CSMD1: variants seen among roughly 807,000 people sequenced by gnomAD.
The protein encoded by CSMD1 is CUB and sushi domain-containing protein 1.
In CSMD1, 213 loss-of-function variants were observed where a neutral mutation model predicts 417.5. The ratio of observed to expected loss-of-function variants is 0.51; its 90% confidence interval spans 0.46 to 0.57. The LOEUF (loss-of-function observed/expected upper bound fraction) is 0.57, where lower values mean the gene tolerates loss of function less well. Among genes scored for constraint, CSMD1 ranks in the 20% least tolerant of loss-of-function variants. The probability of loss-of-function intolerance (pLI) is 0.00; values close to 1 mark genes in which losing one functional copy is unlikely to be tolerated. For missense variants in CSMD1, 6,923 were observed against 4,529.7 expected (o/e 1.53, Z -15.17); for synonymous variants, 2,862 against 1,736.8 (o/e 1.65, Z -16.11).
intron 33 of CSMD1, among the ~76,000 whole-genome samples, chr8:3,192,500 C>T (rs6558727): frequency 0.93 from 141,735 of 152,190 alleles, 66,095 homozygotes; most frequent in Non-Finnish European, 0.95. Flanking sequence ...CAGTAATTGT[C>T]ATGGTTTGGC....
At chr8:3,499,469 G>A (rs1478009046) in intron 10 of CSMD1, among the ~76,000 whole-genome samples, 1 of 152,132 alleles carries the variant, frequency 6.6e-6, no homozygotes, top group Non-Finnish European at 1.5e-5. Context: ...TGGGGAGCAT[G>A]TGTGAGCATT....
intron 6 of CSMD1, among the ~76,000 whole-genome samples, chr8:3,716,761 C>T (rs1801864991): frequency 6.6e-6 from 1 of 152,136 alleles, no homozygotes; most frequent in Non-Finnish European, 1.5e-5. Context: ...GTTCAAACGC[C>T]TCTTGACAAT....
At chr8:3,257,406 C>T (rs1008596498) in intron 26 of CSMD1, among the ~76,000 whole-genome samples, 1 of 152,238 alleles carries the variant, frequency 6.6e-6, no homozygotes, top group Admixed American at 6.5e-5. Flanking sequence ...ATTAGGATCT[C>T]TTTCCTTGTG....
At chr8:3,450,516 G>C (rs578244356) in intron 12 of CSMD1, among the ~76,000 whole-genome samples, 22 of 148,942 alleles carry the variant, frequency 1.5e-4, no homozygotes, top group Non-Finnish European at 2.7e-4. Flanking sequence ...CTGTGTCCAT[G>C]TGTTCTCATT....
intron 5 of CSMD1, among the ~76,000 whole-genome samples, chr8:3,796,108 ATATC>A (rs1397370907): frequency 5.6e-4 from 7 of 12,562 alleles, no homozygotes; most frequent in Admixed American, 1.2e-3. Flanking sequence ...ATATAGATAT[ATATC>A]TATCATAGAT....
At chr8:3,342,822 T>G (rs1197598575) in intron 23 of CSMD1, among the ~76,000 whole-genome samples, 1 of 151,908 alleles carries the variant, frequency 6.6e-6, no homozygotes, top group Non-Finnish European at 1.5e-5. Context: ...AGAAAATAGT[T>G]TACTACATAT....
At chr8:4,003,802 T>C (rs1157398660) in intron 4 of CSMD1, among the ~76,000 whole-genome samples, 2 of 151,926 alleles carry the variant, frequency 1.3e-5, no homozygotes, top group Admixed American at 6.6e-5. Context: ...GTCTACTGAG[T>C]ATATTGTACG....
chr8:4,453,814 CTTTTTTTTTTTTTTTTTTTTTT>C (rs60422486), intron 2 of CSMD1, among the ~76,000 whole-genome samples: 10 of 67,748 alleles, frequency 1.5e-4, no homozygotes, highest in African/African-American at 5.7e-4. Flanking sequence ...CAATTCGTTT[CTTTTTTTTTTTTTTTTTTTTTT>C]TTTGAGACAG....
intron 51 of CSMD1, among the ~76,000 whole-genome samples, chr8:3,023,092 C>G (rs925722122): frequency 3.3e-5 from 5 of 152,188 alleles, no homozygotes; most frequent in Admixed American, 6.5e-5. Context: ...AACGAAATGA[C>G]AATGACTACG....
chr8:3,319,785 C>T (rs990188269), intron 23 of CSMD1, among the ~76,000 whole-genome samples: 3 of 152,026 alleles, frequency 2.0e-5, no homozygotes, highest in African/African-American at 7.2e-5. Flanking sequence ...TAAAGTAATT[C>T]TTCATTAGTA....
intron 5 of CSMD1, among the ~76,000 whole-genome samples, chr8:3,893,362 T>TATATATA (rs1554476819): frequency 1.1e-4 from 14 of 125,518 alleles, no homozygotes; most frequent in East Asian, 4.6e-4. Flanking sequence ...TATATATATA[T>TATATATA]TATTTTTTTT....
intron 3 of CSMD1, among the ~76,000 whole-genome samples, chr8:4,152,771 T>A (rs566105605): frequency 6.6e-6 from 1 of 152,126 alleles, no homozygotes; most frequent in Non-Finnish European, 1.5e-5. Context: ...TATAATCAAA[T>A]ATATATGCAT....
chr8:3,964,952 G>A (rs578230553), intron 5 of CSMD1, among the ~76,000 whole-genome samples: 37 of 152,118 alleles, frequency 2.4e-4, no homozygotes, highest in African/African-American at 3.9e-4. Flanking sequence ...GTTTATCCTC[G>A]TCATGTAATT....
chr8:3,777,154 A>G (rs1798936082), intron 5 of CSMD1, among the ~76,000 whole-genome samples: 1 of 130,452 alleles, frequency 7.7e-6, no homozygotes. Context: ...ACACACACAC[A>G]CACACATCAT....
At position 4,782,632 on chromosome 8, in the gene CSMD1, T is replaced by G. The variant is rs114795667; in HGVS notation, c.86-145074A>C. On this transcript the variant is annotated intron_variant, in intron 1 of 69. Coordinates refer to ENST00000635120, the MANE Select transcript of CSMD1 (RefSeq NM_033225.6). ...AAATAAACTCTGCATGTACAGCTAT[T>G]TTTTACTGTATATTTTTGTACAATA... Among the ~76,000 whole-genome samples the G allele has an allele frequency of 1.6e-3, 237 of 152,320 alleles. 3 individuals carry two copies. Among genetic ancestry groups the G allele is most frequent in the African/African-American group, 5.0e-3 (210 of 41,588 alleles).
At chr8:3,535,288 G>C (rs147982493) in intron 10 of CSMD1, among the ~76,000 whole-genome samples, 71 of 152,196 alleles carry the variant, frequency 4.7e-4, no homozygotes, top group African/African-American at 1.7e-3. Flanking sequence ...CACTGAAATA[G>C]TTATTCAAGC....
Position 2,936,224 on chromosome 8 carries a change from T to G in CSMD1, c.*2361A>C, listed in dbSNP as rs1047233898. ...ATATCTAATTTGATATGTGGTTTCT[T>G]GTATGTATGTATGTCCTGTCATTTC... On this transcript the variant is annotated 3_prime_UTR_variant, in exon 70 of 70. Transcript: ENST00000635120. 8.8e-6 allele frequency: 1 copy of G among 113,980 alleles called. No homozygotes were observed. Among genetic ancestry groups the G allele is most frequent in the African/African-American group, 3.5e-5 (1 of 28,302 alleles). 7.1% of individuals were successfully genotyped at this position (113,980 alleles called of 1,614,324 possible). A position where few individuals can be genotyped will look rare whatever the true frequency, so the allele number is the denominator to read the frequency against.
chr8:4,606,096 C>T (rs1378687108), intron 2 of CSMD1, among the ~76,000 whole-genome samples: 3 of 152,072 alleles, frequency 2.0e-5, no homozygotes, highest in Admixed American at 6.6e-5. Context: ...ATCTCACGTT[C>T]AAAATTGATC....
intron 3 of CSMD1, among the ~76,000 whole-genome samples, chr8:4,046,510 T>G (rs564514185): frequency 6.6e-6 from 1 of 152,350 alleles, no homozygotes; most frequent in South Asian, 2.1e-4. Flanking sequence ...GTTTTGTGGT[T>G]GCTGTTGCCT....
Sources: gnomAD v4.1 joint callset for allele counts (sites outside exome capture counted in the v4.1 genomes callset) on GRCh38, gnomAD v4.1.1 for gene constraint, MANE v1.5 for transcripts, NCBI Gene and HGNC (gene_info 2026-07-23, HGNC 2026-07-21) for gene names.